ZRANB3: variants seen among roughly 807,000 people sequenced by gnomAD.
The protein encoded by ZRANB3 is zinc finger RANBP2-type containing 3, also known as DNA annealing helicase and endonuclease ZRANB3.
In ZRANB3, 125 loss-of-function variants were observed where a neutral mutation model predicts 133.8. The observed-to-expected ratio is 0.93, with a 90% CI of 0.81 to 1.08. The LOEUF (loss-of-function observed/expected upper bound fraction) is 1.08, where lower values mean the gene tolerates loss of function less well. ZRANB3 is among the 50% of genes least tolerant of loss of function. The pLI is 0.00. For missense variants in ZRANB3, 1,229 were observed against 1,275.5 expected, an observed-to-expected ratio of 0.96 and a Z score of 0.56; for synonymous variants, 387 against 432.7, an observed-to-expected ratio of 0.89 and a Z score of 1.31.
chr2:135,449,893 G>A (rs1690189132), intron 2 of ZRANB3, among the ~76,000 whole-genome samples: 1 of 152,032 alleles, frequency 6.6e-6, no homozygotes. Context: ...GAGTACCTGG[G>A]ACTATAGGCA....
chr2:135,229,689 G>T lies in ZRANB3; in HGVS notation c.1954+824C>A, dbSNP rs137913282. Among the ~76,000 whole-genome samples the T allele has an allele frequency of 5.6e-3, 845 of 152,164 alleles. 4 individuals are homozygous for T. The highest frequency in any genetic ancestry group is 0.011 in the South Asian group (53 of 4,814). On this transcript the variant is annotated intron_variant, in intron 13 of 20. Coordinates refer to ENST00000264159, the MANE Select transcript of ZRANB3 (RefSeq NM_032143.4). Reference sequence around the variant, plus strand: ...GCCGCCAATATTTTGAAGAGTTAATGTATGATGCAAAATTAGATGTGTACA... The same window carrying T: ...GCCGCCAATATTTTGAAGAGTTAATTTATGATGCAAAATTAGATGTGTACA...
At position 135,201,537 on chromosome 2, in the gene ZRANB3, T is replaced by C. The variant is rs180807868; in HGVS notation, c.3142-1097A>G. Among the ~76,000 whole-genome samples the C allele has an allele frequency of 2.6e-5, 4 of 151,648 alleles. No individual in the cohort carries two copies. The East Asian group carries it at 7.8e-4, about 30-fold the overall frequency. On this transcript the variant is annotated intron_variant, in intron 20 of 20. Transcript: ENST00000264159. ...GTGTGGTGGCGGGTGCCTGTAATCC[T>C]AGCTACTCAGGAGGCTGAGGTAGGA...
chr2:135,294,921 T>C (rs1681963958), intron 8 of ZRANB3, among the ~76,000 whole-genome samples: 1 of 152,352 alleles, frequency 6.6e-6, no homozygotes. Flanking sequence ...GTGAGTTTCT[T>C]AATCCTGAGT....
At chr2:135,259,505 G>C (rs900537325) in intron 12 of ZRANB3, among the ~76,000 whole-genome samples, 3 of 152,126 alleles carry the variant, frequency 2.0e-5, no homozygotes, top group African/African-American at 7.2e-5. Context: ...CACAACCTCC[G>C]CCTCCCGGGT....
Position 135,331,738 on chromosome 2 carries a change from T to G in ZRANB3, c.677+13812A>C, listed in dbSNP as rs112067708. On this transcript the variant is annotated intron_variant, in intron 6 of 20. Transcript: ENST00000264159. Reference sequence around the variant, plus strand: ...CTTTATGAATCTGGGTGCTCCTGTATTGGGTGCATATATATTTAGGATAGT... The same window carrying G: ...CTTTATGAATCTGGGTGCTCCTGTAGTGGGTGCATATATATTTAGGATAGT... 3.0e-3 allele frequency among the ~76,000 whole-genome samples: 452 copies of G among 152,276 alleles called. 3 individuals carry two copies. The highest frequency in any genetic ancestry group is 0.01 in the African/African-American group (422 of 41,558).
intron 6 of ZRANB3, among the ~76,000 whole-genome samples, chr2:135,330,705 C>G (rs962267383): frequency 6.6e-6 from 1 of 151,306 alleles, no homozygotes; most frequent in African/African-American, 2.4e-5. Flanking sequence ...GGTTAGCAGG[C>G]TATTTTTGCC....
In ZRANB3 at chr2:135,443,195, TA is replaced by T. The variant is rs1217942713; in HGVS notation, c.162-52376del. On this transcript the variant is annotated intron_variant, in intron 2 of 20. Transcript: ENST00000264159. ...TACACCATGGAATACTATGCAGCCATAAAAAAGGACGAGTTCATGTCCTTTA... is the reference window on the plus strand; with the variant it reads ...TACACCATGGAATACTATGCAGCCATAAAAAGGACGAGTTCATGTCCTTTA... Among the ~76,000 whole-genome samples the T allele has an allele frequency of 9.9e-5, 15 of 151,018 alleles. No homozygotes were observed. In the East Asian group the frequency reaches 2.9e-3, roughly 30 times the overall value.
chr2:135,305,385 C>T (rs1373739819), intron 8 of ZRANB3, among the ~76,000 whole-genome samples: 4 of 152,196 alleles, frequency 2.6e-5, no homozygotes, highest in African/African-American at 9.6e-5. Context: ...TGTATCTTTA[C>T]AGATGAAGTG....
chr2:135,413,034 TAAAAC>T (rs1345207795), intron 2 of ZRANB3, among the ~76,000 whole-genome samples: 1 of 152,154 alleles, frequency 6.6e-6, no homozygotes, highest in Non-Finnish European at 1.5e-5. Context: ...TAAAAAGAAC[TAAAAC>T]AAAACAAAAC....
At chr2:135,218,813 A>C (rs945879477) in intron 16 of ZRANB3, among the ~76,000 whole-genome samples, 2 of 152,234 alleles carry the variant, frequency 1.3e-5, no homozygotes, top group African/African-American at 4.8e-5. Context: ...TGTGAATGAG[A>C]AATTAAATAA....
At position 135,521,823 on chromosome 2, in the gene ZRANB3, C is replaced by T. The variant is rs554309899; in HGVS notation, c.-8+9304G>A. 2.5e-4 allele frequency among the ~76,000 whole-genome samples: 38 copies of T among 152,268 alleles called. No individual in the cohort carries two copies. In the South Asian group the frequency reaches 5.8e-3, roughly 23 times the overall value. On this transcript the variant is annotated intron_variant, in intron 1 of 20. Coordinates refer to ENST00000264159, the MANE Select transcript of ZRANB3 (RefSeq NM_032143.4). ...TTACTTAAATACCAGATGCCACTCACGCTAAAACTTGAAGAGTGGAGTCTG... is the reference window on the plus strand; with the variant it reads ...TTACTTAAATACCAGATGCCACTCATGCTAAAACTTGAAGAGTGGAGTCTG...
chr2:135,351,265 C>CTTT (rs34205567), intron 4 of ZRANB3, among the ~76,000 whole-genome samples: 19 of 119,688 alleles, frequency 1.6e-4, no homozygotes, highest in Admixed American at 2.6e-4. Flanking sequence ...CTATAATTTT[C>CTTT]TTTTTTTTTT....
chr2:135,265,007 C>A (rs1169752505), intron 12 of ZRANB3, among the ~76,000 whole-genome samples: 3 of 152,120 alleles, frequency 2.0e-5, no homozygotes, highest in Non-Finnish European at 2.9e-5. Context: ...CCTCAGCCCC[C>A]CAAAGTGCTG....
intron 2 of ZRANB3, among the ~76,000 whole-genome samples, chr2:135,409,034 G>C (rs1048107790): frequency 2.0e-5 from 3 of 152,074 alleles, no homozygotes; most frequent in Admixed American, 6.6e-5. Context: ...AGTTTAGTTG[G>C]CTCATGGTTC....
intron 3 of ZRANB3, among the ~76,000 whole-genome samples, chr2:135,383,074 A>G (rs1289908314): frequency 1.3e-5 from 2 of 152,228 alleles, no homozygotes; most frequent in Admixed American, 1.3e-4. Context: ...GACAAGACCC[A>G]TCAGTGTGCT....
intron 8 of ZRANB3, among the ~76,000 whole-genome samples, chr2:135,279,143 C>T (rs1407063130): frequency 6.6e-6 from 1 of 151,876 alleles, no homozygotes; most frequent in Non-Finnish European, 1.5e-5. Flanking sequence ...GGTTAGGGGA[C>T]TGTTATTTTT....
chr2:135,499,959 T>C (rs550271206), intron 2 of ZRANB3, among the ~76,000 whole-genome samples: 1 of 152,150 alleles, frequency 6.6e-6, no homozygotes, highest in African/African-American at 2.4e-5. Flanking sequence ...CTAGTGTCCA[T>C]ATAAAAAAGG....
At chr2:135,453,204 G>A (rs530787968) in intron 2 of ZRANB3, among the ~76,000 whole-genome samples, 1 of 152,328 alleles carries the variant, frequency 6.6e-6, no homozygotes, top group Admixed American at 6.5e-5. Flanking sequence ...TGGCTGGAGT[G>A]GCTGGGACAC....
chr2:135,441,849 A>C (rs1235346983), intron 2 of ZRANB3, among the ~76,000 whole-genome samples: 1 of 152,198 alleles, frequency 6.6e-6, no homozygotes, highest in Non-Finnish European at 1.5e-5. Context: ...ATTTGTTTTA[A>C]CACAAAAGAA....
Sources: gnomAD v4.1 joint callset for allele counts (sites outside exome capture counted in the v4.1 genomes callset) on GRCh38, gnomAD v4.1.1 for gene constraint, MANE v1.5 for transcripts, NCBI Gene and HGNC (gene_info 2026-07-23, HGNC 2026-07-21) for gene names.